PER1: variants seen among roughly 807,000 people sequenced by gnomAD.
PER1 encodes the protein period circadian protein homolog 1.
In PER1, 87 loss-of-function variants were observed where a neutral mutation model predicts 125.9. The observed-to-expected ratio is 0.69, with a 90% confidence interval of 0.58 to 0.83. PER1 has a LOEUF of 0.83. Ranked by LOEUF, PER1 falls within the 40% of genes least tolerant of loss-of-function variation. The probability of loss-of-function intolerance (pLI) is 0.00; values close to 1 mark genes in which losing one functional copy is unlikely to be tolerated. For synonymous variants in PER1, 801 were observed against 714.7 expected, an observed-to-expected ratio of 1.12 and a Z score of -1.93; for missense variants, 1,775 against 1,722.8, an observed-to-expected ratio of 1.03 and a Z score of -0.54.
chr17:8,150,080 T>A lies in PER1; in HGVS notation c.420A>T (p.Thr140=). The A allele has an allele frequency of 6.2e-7, 1 of 1,614,224 alleles. No individual in the cohort carries two copies. The highest frequency in any genetic ancestry group is 8.5e-7 in the Non-Finnish European group (1 of 1,180,030). Residue 140 remains threonine, a synonymous_variant, in exon 4 of 23, where the codon ACA becomes ACT. Coordinates refer to ENST00000317276, the MANE Select transcript of PER1 (RefSeq NM_002616.3). ...GTCGAAGCTTGAGCTCTCGAAGTGC[T>A]GTCATGAGTTCCTTCTGAGTCCTTG... The part of the protein sequence containing the change: ...ARARTQKELM[T]ALRELKLRLP...
Position 8,149,807 on chromosome 17 carries a change from T to C in PER1, c.599A>G (p.Tyr200Cys), listed in dbSNP as rs749048081. Residue 200 changes from tyrosine to cysteine, a missense_variant, in exon 5 of 23, where the codon TAT (tyrosine) becomes TGT (cysteine). Tyr to Cys is a radical substitution (Grantham distance 194). Coordinates refer to ENST00000317276, the MANE Select transcript of PER1 (RefSeq NM_002616.3). ...GATGTGCTCCAGCTCCTCCAGGGTA[T>C]AGGTGGACATGTCCATGGAGCAAGG... ...GEPCSMDMST[Y>C]TLEELEHITS... 5.6e-6 allele frequency: 9 copies of C among 1,613,662 alleles called. No individual in the cohort carries two copies. The highest frequency in any genetic ancestry group is 2.2e-5 in the East Asian group (1 of 44,888).
rs1982043275 is a variant in PER1 at position 8,140,966 on chromosome 17, C to A, written c.*102G>T. The A allele has an allele frequency of 1.6e-5, 21 of 1,319,350 alleles. No individual in the cohort carries two copies. The highest frequency in any genetic ancestry group is 2.2e-5 in the Non-Finnish European group (21 of 951,954). 81.7% of individuals were successfully genotyped at this position (1,319,350 alleles called of 1,614,324 possible). ...CCCCCTATGGTGGGAGAAGCTGGGG[C>A]AGTTTCCCACTGGTTGGTCTAGCCA... On this transcript the variant is annotated 3_prime_UTR_variant, in exon 23 of 23. Coordinates refer to ENST00000317276, the MANE Select transcript of PER1 (RefSeq NM_002616.3).
chr17:8,141,915 G>A lies in PER1; in HGVS notation c.3490C>T (p.Arg1164Ter), dbSNP rs1346987571. ...CGAGGCTGCTGCTTCTGCATGGCTC[G>A]GAGCCGCTCCCGATCCTGCTTCAGC... is the stretch of plus-strand genomic sequence containing the variant. ...SVLKQDRERL[R>*]AMQKQQPRFS... is the part of the protein sequence containing the mutation. The change falls in exon 22 of 23, where the codon CGA becomes TGA. Residue 1164 changes from arginine to a stop codon, truncating the protein, a stop_gained. Coordinates refer to ENST00000317276, the MANE Select transcript of PER1 (RefSeq NM_002616.3). LOFTEE classifies it high-confidence loss of function. 3.7e-6 allele frequency: 6 copies of A among 1,613,992 alleles called. No homozygotes were observed. Among genetic ancestry groups the A allele is most frequent in the African/African-American group, 1.3e-5 (1 of 74,918 alleles).
chr17:8,149,923 C>A (rs146418972), intron 4 of PER1, 47 bp from the exon 5 acceptor site: 11 of 1,613,990 alleles, frequency 6.8e-6, no homozygotes, highest in South Asian at 2.2e-5. Context: ...GCTGCCTCAA[C>A]ACGGGAGCCC....
At position 8,143,888 on chromosome 17, in the gene PER1, G is replaced by A. The variant is rs553133648; in HGVS notation, c.2462-12C>T. ...GCCGTGGTGGCAGCCTGTGGGGAGA[G>A]ACTAGGGTTAGCAAGGACCTCAACC... On this transcript the variant is annotated splice_polypyrimidine_tract_variant and intron_variant, in intron 18 of 22. Transcript: ENST00000317276. The A allele has an allele frequency of 6.2e-7, 1 of 1,600,200 alleles. No individual in the cohort carries two copies. Among genetic ancestry groups the A allele is most frequent in the Non-Finnish European group, 8.5e-7 (1 of 1,175,618 alleles).
rs1250775724 is a variant in PER1 at position 8,150,532 on chromosome 17, C to T, written c.175G>A (p.Gly59Arg). ...SNGSSGNESNGHESRGASQRS... is the reference protein window; with the variant it reads ...SNGSSGNESNRHESRGASQRS... The stretch of plus-strand genomic sequence containing the variant: ...TGAGATGCGCCTCTAGACTCATGCC[C>T]GTTGGACTCATTGCCACTTGAACCA... Residue 59 changes from glycine to arginine, a missense_variant, in exon 2 of 23, where the codon GGG becomes AGG. Transcript: ENST00000317276. The T allele has an allele frequency of 2.5e-6, 4 of 1,614,152 alleles. No homozygotes were observed. Among genetic ancestry groups the T allele is most frequent in the South Asian group, 1.1e-5 (1 of 91,080 alleles).
At position 8,146,409 on chromosome 17, in the gene PER1, C is replaced by T. The variant is rs1390647526; in HGVS notation, c.2001G>A (p.Arg667=). The change falls in exon 16 of 23, where the codon AGG becomes AGA. Residue 667 remains arginine (R), a synonymous_variant. Transcript: ENST00000317276. Reference sequence around the variant, plus strand: ...CCACAGAGACTGGACCTGTCCTCTGCCTGTCGTCGTCAGAGGCTGAGGAGG... The same window carrying T: ...CCACAGAGACTGGACCTGTCCTCTGTCTGTCGTCGTCAGAGGCTGAGGAGG... ...YTTSSASDDD[R]QRTGPVSVGT... 6.2e-7 allele frequency: 1 copy of T among 1,612,760 alleles called. No homozygotes were observed. The highest frequency in any genetic ancestry group is 1.7e-5 in the Admixed American group (1 of 59,892).
At chr17:8,147,613 G>C in intron 11 of PER1, 35 bp from the exon 12 acceptor site, 1 of 1,613,170 alleles carries the variant, frequency 6.2e-7, no homozygotes, top group South Asian at 1.1e-5. Flanking sequence ...CCCTGGCCCG[G>C]TCCTGTCCCC....
chr17:8,147,409 G>A, intron 12 of PER1, 28 bp from the exon 13 acceptor site: 1 of 1,613,158 alleles, frequency 6.2e-7, no homozygotes, highest in Middle Eastern at 1.7e-4. Flanking sequence ...CAGGTTAGAT[G>A]GCTTGACCCG....
At chr17:8,146,855 C>T (rs772210538) in intron 14 of PER1, 42 bp downstream of exon 14, 1 of 1,608,500 alleles carries the variant, frequency 6.2e-7, no homozygotes, top group Non-Finnish European at 8.5e-7. Context: ...TCAGGGGACC[C>T]CCCAGGTCTG....
In PER1 at chr17:8,145,883, G is replaced by A. The variant is rs1982399325; in HGVS notation, c.2218+75C>T. 2.7e-6 allele frequency: 4 copies of A among 1,490,034 alleles called. No homozygotes were observed. The African/African-American group carries it at 4.2e-5, about 16-fold the overall frequency. 92.3% of individuals were successfully genotyped at this position (1,490,034 alleles called of 1,614,324 possible). On this transcript the variant is annotated intron_variant, in intron 17 of 22. Coordinates refer to ENST00000317276, the MANE Select transcript of PER1 (RefSeq NM_002616.3). ...TCTCTCCATCAGGCCCTAGAGGGGA[G>A]GGGAAAGGCAGGAGGGAGCTCTAGC...
Position 8,143,755 on chromosome 17 carries a change from G to A in PER1, c.2583C>T (p.Pro861=), listed in dbSNP as rs763340637. 7.0e-6 allele frequency: 11 copies of A among 1,577,360 alleles called. No individual in the cohort carries two copies. Among genetic ancestry groups the A allele is most frequent in the African/African-American group, 5.4e-5 (4 of 74,126 alleles). The change falls in exon 19 of 23, where the codon CCC becomes CCT. Residue 861 remains proline (P), a synonymous_variant. Coordinates refer to ENST00000317276, the MANE Select transcript of PER1 (RefSeq NM_002616.3). ...TGGGCCAGGGGGTGGAGGGTGGCAC[G>A]GGTGAGGGGTGTGAGACATAGCAGG... ...EAPCYVSHPS[P]VPPSTPWPTP...
In PER1 at chr17:8,140,704, G is replaced by T; in HGVS notation, c.*364C>A. ...ATCTGGGGAGGAGGTGGGAGAGAGAGCTGTCTCCCCGCAATAAATAAGTGC... is the reference window on the plus strand; with the variant it reads ...ATCTGGGGAGGAGGTGGGAGAGAGATCTGTCTCCCCGCAATAAATAAGTGC... On this transcript the variant is annotated 3_prime_UTR_variant, in exon 23 of 23. Coordinates refer to ENST00000317276, the MANE Select transcript of PER1 (RefSeq NM_002616.3). 1 of 255,874 alleles carries T rather than the reference G, an allele frequency of 3.9e-6. No homozygotes were observed. The highest frequency in any genetic ancestry group is 7.7e-6 in the Non-Finnish European group (1 of 130,550). 15.9% of individuals were successfully genotyped at this position (255,874 alleles called of 1,614,324 possible). A position where few individuals can be genotyped will look rare whatever the true frequency, so the allele number is the denominator to read the frequency against.
chr17:8,151,222 C>A (rs887043471), intron 1 of PER1, among the ~76,000 whole-genome samples: 2 of 152,244 alleles, frequency 1.3e-5, no homozygotes, highest in African/African-American at 4.8e-5. Context: ...GGCCTCCAGG[C>A]TAATTTTATC....
intron 7 of PER1, 94 bp from the exon 8 acceptor site, chr17:8,148,880 G>A: frequency 1.4e-6 from 2 of 1,458,658 alleles, no homozygotes; most frequent in Non-Finnish European, 1.9e-6. Context: ...AAAGACGCTG[G>A]GGAGGGGGCA....
intron 22 of PER1, 41 bp from the exon 23 acceptor site, chr17:8,141,381 C>G (rs1982070603): frequency 6.4e-7 from 1 of 1,557,800 alleles, no homozygotes; most frequent in Non-Finnish European, 8.7e-7. Flanking sequence ...AGACAGGGTT[C>G]TCACTGCTAA....
rs147012596 is a variant in PER1, at chr17:8,144,813, T to A, written c.2399A>T (p.Asp800Val). 6.3e-7 allele frequency: 1 copy of A among 1,585,592 alleles called. No homozygotes were observed. Among genetic ancestry groups the A allele is most frequent in the African/African-American group, 1.3e-5 (1 of 74,246 alleles). The change falls in exon 18 of 23, where the codon GAC becomes GTC. Residue 800 changes from aspartate to valine, a missense_variant. By Grantham distance (152) the Asp-to-Val change is radical. Transcript: ENST00000317276. ...GTCGAGTCCACGCAGCCTGCCCAGG[T>A]CTCGGAAGCGGCTGAGGAAGGCTTG... ...EEQAFLSRFRDLGRLRGLDSS... is the reference protein window; with the variant it reads ...EEQAFLSRFRVLGRLRGLDSS...
chr17:8,150,449 G>A lies in PER1; in HGVS notation c.258C>T (p.Thr86=). ...GNGKDSALLE[T]TESSKSTNSQ... ...ATACACACCTCTTGCTGCTCTCAGT[G>A]GTCTCCAGCAGGGCTGAGTCCTTGC... Residue 86 remains threonine (T), a synonymous_variant, in exon 2 of 23, where the codon ACC becomes ACT. Coordinates refer to ENST00000317276, the MANE Select transcript of PER1 (RefSeq NM_002616.3). 6.2e-7 allele frequency: 1 copy of A among 1,612,502 alleles called. No individual in the cohort carries two copies. The highest frequency in any genetic ancestry group is 1.1e-5 in the South Asian group (1 of 91,002).
Position 8,141,114 on chromosome 17 carries a change from C to T in PER1, c.3827G>A (p.Ser1276Asn), listed in dbSNP as rs542485273. 1.1e-5 allele frequency: 17 copies of T among 1,614,148 alleles called. No homozygotes were observed. In the South Asian group the frequency reaches 1.4e-4, roughly 14 times the overall value. Reference protein sequence around the residue: ...LAMEEEEEGRSSSSPALPTAG... With the variant: ...LAMEEEEEGRNSSSPALPTAG... ...TGTAGGTAAGGCTGGACTGGATGAG[C>T]TCCTGCCTTCTTCCTCCTCCTCCAT... The change falls in exon 23 of 23, where the codon AGC (serine) becomes AAC (asparagine). Residue 1276 changes from serine to asparagine, a missense_variant. Transcript: ENST00000317276.
Sources: allele counts gnomAD v4.1 joint callset (sites outside exome capture counted in the v4.1 genomes callset), GRCh38; gene constraint gnomAD v4.1.1; transcripts MANE v1.5; gene names NCBI Gene and HGNC (gene_info 2026-07-23, HGNC 2026-07-21).